Variants in DNAH10 observed in about 807,000 individuals in gnomAD.
DNAH10 encodes the protein axonemal beta dynein heavy chain 10.
DNAH10 carries 348 observed loss-of-function variants against 506.6 expected under a neutral mutation model. The observed-to-expected ratio is 0.69, with a 90% confidence interval of 0.63 to 0.75. The LOEUF (loss-of-function observed/expected upper bound fraction) is 0.75, where lower values mean the gene tolerates loss of function less well. Among genes scored for constraint, DNAH10 ranks in the 30% least tolerant of loss-of-function variants. DNAH10 has a pLI of 0.00. For missense variants in DNAH10, 5,179 were observed against 5,787.1 expected, an observed-to-expected ratio of 0.89 and a Z score of 3.41; for synonymous variants, 2,059 against 2,198.6, an observed-to-expected ratio of 0.94 and a Z score of 1.78.
intron 35 of DNAH10, among the ~76,000 whole-genome samples, chr12:123,852,810 GTGA>G (rs138337503): frequency 0.013 from 2,029 of 152,280 alleles, 23 homozygotes; most frequent in East Asian, 0.053. Context: ...TTGACCTCAG[GTGA>G]TCCACCCACC....
At position 123,928,136 on chromosome 12, in the gene DNAH10, G is replaced by A. The variant is rs1044293324; in HGVS notation, c.12106-251G>A. On this transcript the variant is annotated intron_variant, in intron 69 of 78. Coordinates refer to ENST00000673944, the MANE Select transcript of DNAH10 (RefSeq NM_001372106.1). The surrounding 1 kb of genome is among the most constrained non-coding windows in gnomAD (Gnocchi z 4.9). The stretch of plus-strand genomic sequence containing the variant: ...GAGCTGGGACTTCCAGGGCCAGGGA[G>A]GCAGATGAGTGCAAAATGCTCACCC... 8.6e-6 allele frequency: 5 copies of A among 580,760 alleles called. No homozygotes were observed. Among genetic ancestry groups the A allele is most frequent in the African/African-American group, 7.5e-5 (4 of 53,492 alleles). 36.0% of individuals were successfully genotyped at this position (580,760 alleles called of 1,614,324 possible).
At position 123,934,631 on chromosome 12, in the gene DNAH10, C is replaced by T. The variant is rs751833200; in HGVS notation, c.13488C>T (p.Val4496=). The change falls in exon 78 of 79, where the codon GTC becomes GTT. Residue 4496 remains valine, a synonymous_variant. Coordinates refer to ENST00000673944, the MANE Select transcript of DNAH10 (RefSeq NM_001372106.1). ...VNERAGQGCF[V]SGLYLEGADW... is the part of the protein sequence containing the mutation. ...GCCTTGTGTCCCTAGGATGCTTTGT[C>T]TCAGGACTGTACCTGGAAGGTGCTG... is the stretch of plus-strand genomic sequence containing the variant. 17 of 1,613,586 alleles carry T rather than the reference C, an allele frequency of 1.1e-5. No individual in the cohort carries two copies. The highest frequency in any genetic ancestry group is 1.3e-5 in the Non-Finnish European group (15 of 1,179,750).
rs1265815528 is a variant in DNAH10, at chr12:123,875,410, A to G, written c.8118A>G (p.Leu2706=). ...RNEVDPRFIS[L]FSVFNVPFPS... is the part of the protein sequence containing the mutation. ...AAGTTGACCCAAGATTTATTTCGCT[A>G]TTCAGTGTCTTCAATGTGCCATTTC... The change falls in exon 47 of 79, where the codon CTA becomes CTG. Residue 2706 remains leucine, a synonymous_variant. Coordinates refer to ENST00000673944, the MANE Select transcript of DNAH10 (RefSeq NM_001372106.1). 1 of 1,614,024 alleles carries G rather than the reference A, an allele frequency of 6.2e-7. No individual in the cohort carries two copies.
chr12:123,771,951 CGT>C, intron 3 of DNAH10, among the ~76,000 whole-genome samples: 1 of 152,290 alleles, frequency 6.6e-6, no homozygotes, highest in Admixed American at 6.5e-5. Flanking sequence ...AAGGAAAAAA[CGT>C]GCACAGGACA....
intron 2 of DNAH10, among the ~76,000 whole-genome samples, chr12:123,770,598 C>G (rs557479506): frequency 4.0e-5 from 6 of 151,798 alleles, no homozygotes; most frequent in Non-Finnish European, 1.5e-5. Context: ...TGCCCTTACC[C>G]GTGCTGTCAT....
intron 38 of DNAH10, 23 bp downstream of exon 38, chr12:123,859,291 G>A: frequency 3.3e-6 from 5 of 1,535,124 alleles, no homozygotes; most frequent in Non-Finnish European, 4.4e-6. Context: ...TCCGTAGGGA[G>A]GGCCTGGCTG....
At chr12:123,825,245 G>T (rs1047538315) in intron 24 of DNAH10, among the ~76,000 whole-genome samples, 1 of 152,138 alleles carries the variant, frequency 6.6e-6, no homozygotes, top group Admixed American at 6.5e-5. Flanking sequence ...AAAATCAATG[G>T]AGTGTGGCCG....
intron 65 of DNAH10, among the ~76,000 whole-genome samples, chr12:123,920,368 C>T (rs1954671587): frequency 6.6e-6 from 1 of 152,260 alleles, no homozygotes; most frequent in Admixed American, 6.5e-5. Flanking sequence ...GCCACAACTA[C>T]TCACTTCTGC....
chr12:123,792,584 T>A (rs1958122049), intron 11 of DNAH10, among the ~76,000 whole-genome samples: 1 of 152,020 alleles, frequency 6.6e-6, no homozygotes, highest in Non-Finnish European at 1.5e-5. Context: ...CTTGGCCTTC[T>A]GAGTAGCTGG....
intron 12 of DNAH10, among the ~76,000 whole-genome samples, chr12:123,794,614 G>A (rs1958206759): frequency 6.6e-6 from 1 of 152,154 alleles, no homozygotes. Flanking sequence ...GGGAGGCCGA[G>A]GCCAGCGGAT....
intron 54 of DNAH10, among the ~76,000 whole-genome samples, chr12:123,896,471 C>T (rs1953249377): frequency 6.6e-6 from 1 of 152,168 alleles, no homozygotes; most frequent in Non-Finnish European, 1.5e-5. Flanking sequence ...AGCCATCATT[C>T]ATTCTTTCAG....
chr12:123,762,453 C>T lies in DNAH10; in HGVS notation c.117C>T (p.Leu39=). The change falls in exon 1 of 79, where the codon CTC becomes CTT. Residue 39 remains leucine, a synonymous_variant. Transcript: ENST00000673944. This position sits in a 1 kb window ranked among gnomAD's most constrained non-coding sequence, Gnocchi z 5.0. ...GCGACGACGGCCAGGGCGAGGACCT[C>T]ATCTTGCACTTCCTCAACCAGGCGA... ...LNRDDGQGED[L]ILHFLNQASE... The T allele has an allele frequency of 2.0e-6, 3 of 1,493,132 alleles. No individual in the cohort carries two copies. In the South Asian group the frequency reaches 3.9e-5, roughly 20 times the overall value. 92.5% of individuals were successfully genotyped at this position (1,493,132 alleles called of 1,614,324 possible). A position where few individuals can be genotyped will look rare whatever the true frequency, so the allele number is the denominator to read the frequency against.
Position 123,804,800 on chromosome 12 carries a change from G to A in DNAH10, c.2780-33G>A, listed in dbSNP as rs12099445. On this transcript the variant is annotated intron_variant, in intron 17 of 78. Transcript: ENST00000673944. ...TTGAGTGCTGTCCTTCCCTGTGTTC[G>A]TGGACAGCTCTAACAGACATCTTTC... The A allele has an allele frequency of 2.1e-3, 3,362 of 1,588,326 alleles. 63 individuals are homozygous for A. In the African/African-American group the frequency reaches 0.038, roughly 18 times the overall value.
intron 1 of DNAH10, among the ~76,000 whole-genome samples, chr12:123,763,935 G>A (rs1406040628): frequency 4.7e-5 from 7 of 149,490 alleles, no homozygotes; most frequent in Admixed American, 3.4e-4. Context: ...GTGCAATCTC[G>A]GCTCACTGCA....
intron 76 of DNAH10, chr12:123,932,706 A>G (rs1955276187): frequency 6.6e-6 from 1 of 152,618 alleles, no homozygotes; most frequent in Non-Finnish European, 1.5e-5. Flanking sequence ...CGTTCTTAAC[A>G]TTTTGGATCA....
At chr12:123,866,228 A>ACTTTT (rs1951800668) in intron 41 of DNAH10, among the ~76,000 whole-genome samples, 155 bp downstream of exon 41, 1 of 54,314 alleles carries the variant, frequency 1.8e-5, no homozygotes, top group Non-Finnish European at 4.1e-5. Flanking sequence ...TGGCAGACAC[A>ACTTTT]CTTTTTTTTT....
chr12:123,826,084 A>G (rs150406659), intron 24 of DNAH10, among the ~76,000 whole-genome samples: 3 of 152,234 alleles, frequency 2.0e-5, no homozygotes, highest in Non-Finnish European at 2.9e-5. Flanking sequence ...TGATCACACC[A>G]TTGCACTACA....
rs1954886203 is a variant in DNAH10, at chr12:123,925,144, T to G, written c.11861T>G (p.Phe3954Cys). 2 of 1,613,946 alleles carry G rather than the reference T, an allele frequency of 1.2e-6. No homozygotes were observed. Among genetic ancestry groups the G allele is most frequent in the Non-Finnish European group, 1.7e-6 (2 of 1,179,910 alleles). The part of the protein sequence containing the change: ...PFQKLLILRC[F>C]RVDRVYRAVT... ...CAGAAGTTGCTTATTTTGCGCTGTT[T>G]CCGTGTGGATCGGGTCTATCGGGCC... Residue 3954 changes from phenylalanine to cysteine, a missense_variant, in exon 68 of 79, where the codon TTC becomes TGC. This residue lies in a region of DNAH10 where 4,844 missense variants were observed against 5,430.5 expected (regional missense o/e 0.89). Coordinates refer to ENST00000673944, the MANE Select transcript of DNAH10 (RefSeq NM_001372106.1). The surrounding 1 kb of genome is among the most constrained non-coding windows in gnomAD (Gnocchi z 4.0).
At chr12:123,865,608 T>C (rs1422868940) in intron 40 of DNAH10, among the ~76,000 whole-genome samples, 2 of 152,310 alleles carry the variant, frequency 1.3e-5, no homozygotes, top group East Asian at 1.9e-4. Context: ...AGAAAAAAGA[T>C]TGACTGGAAA....
Sources: allele counts gnomAD v4.1 joint callset (sites outside exome capture counted in the v4.1 genomes callset), GRCh38; gene constraint gnomAD v4.1.1; regional missense constraint gnomAD v4.1.1; non-coding constraint Gnocchi (gnomAD v3.1); transcripts MANE v1.5; gene names NCBI Gene and HGNC (gene_info 2026-07-23, HGNC 2026-07-21).